MTUS1: variants seen among roughly 807,000 people sequenced by gnomAD.
The protein encoded by MTUS1 is microtubule-associated tumor suppressor 1.
Under a neutral mutation model 120.8 loss-of-function variants are expected in MTUS1, and 109 were observed. That is an observed-to-expected ratio of 0.90 (90% CI 0.77 to 1.06). MTUS1 has a LOEUF of 1.06. Among genes scored for constraint, MTUS1 ranks in the 50% least tolerant of loss-of-function variants. MTUS1 has a pLI of 0.00. For synonymous variants in MTUS1, 737 were observed against 550.5 expected (o/e 1.34, Z -4.74); for missense variants, 2,210 against 1,486.3 (o/e 1.49, Z -8.01).
chr8:17,656,851 C>A (rs1167571077), intron 8 of MTUS1, among the ~76,000 whole-genome samples: 1 of 151,294 alleles, frequency 6.6e-6, no homozygotes, highest in South Asian at 2.1e-4. Flanking sequence ...GCAGGTGGAT[C>A]ATGAGGTCAG....
intron 1 of MTUS1, among the ~76,000 whole-genome samples, chr8:17,798,627 C>T (rs745375053): frequency 1.3e-5 from 2 of 152,134 alleles, no homozygotes; most frequent in African/African-American, 4.8e-5. Context: ...CCACCGCACC[C>T]GGCTGGAAAA....
chr8:17,653,347 C>G, intron 11 of MTUS1, 66 bp from the exon 12 acceptor site: 1 of 1,511,200 alleles, frequency 6.6e-7, no homozygotes, highest in South Asian at 1.2e-5. Flanking sequence ...CATACGTACA[C>G]AGAAACATTA....
At chr8:17,766,491 G>C (rs1230272218) in intron 1 of MTUS1, among the ~76,000 whole-genome samples, 1 of 152,162 alleles carries the variant, frequency 6.6e-6, no homozygotes, top group African/African-American at 2.4e-5. Context: ...CCATTTGGGA[G>C]TTATTTTTCT....
chr8:17,692,512 G>T (rs1207784881), intron 6 of MTUS1, among the ~76,000 whole-genome samples: 1 of 152,116 alleles, frequency 6.6e-6, no homozygotes, highest in Non-Finnish European at 1.5e-5. Flanking sequence ...CATCTAAAAA[G>T]AGTCAAAAGT....
chr8:17,756,871 C>T (rs1373515354), intron 1 of MTUS1, among the ~76,000 whole-genome samples: 1 of 152,146 alleles, frequency 6.6e-6, no homozygotes, highest in Non-Finnish European at 1.5e-5. Flanking sequence ...AGTAGGAGAG[C>T]TCTCACCAAA....
At chr8:17,669,919 G>C (rs2130573095) in intron 8 of MTUS1, among the ~76,000 whole-genome samples, 1 of 152,352 alleles carries the variant, frequency 6.6e-6, no homozygotes, top group East Asian at 1.9e-4. Context: ...CTGGCCGCAA[G>C]TGGAGTTGGG....
At chr8:17,777,788 T>C (rs947009179) in intron 1 of MTUS1, among the ~76,000 whole-genome samples, 2 of 152,230 alleles carry the variant, frequency 1.3e-5, no homozygotes, top group African/African-American at 2.4e-5. Flanking sequence ...CAGAAATTTA[T>C]TATAGGAAAT....
intron 10 of MTUS1, 138 bp from the exon 11 acceptor site, chr8:17,653,636 G>T: frequency 1.6e-6 from 1 of 635,782 alleles, no homozygotes; most frequent in Non-Finnish European, 2.6e-6. Context: ...ATGCTTTTAT[G>T]TAAATTGGCC....
chr8:17,762,182 G>C (rs552953418), intron 1 of MTUS1, among the ~76,000 whole-genome samples: 3 of 152,270 alleles, frequency 2.0e-5, no homozygotes, highest in Middle Eastern at 3.4e-3. Flanking sequence ...AGGAGGCTGA[G>C]GCAGGAGAAT....
chr8:17,743,478 T>A, intron 3 of MTUS1, 126 bp downstream of exon 3: 2 of 854,056 alleles, frequency 2.3e-6, no homozygotes, highest in East Asian at 2.6e-5. Context: ...TTCTACCTCC[T>A]GTGCTCAGGA....
intron 6 of MTUS1, among the ~76,000 whole-genome samples, chr8:17,704,359 A>G (rs1819718717): frequency 6.6e-6 from 1 of 152,292 alleles, no homozygotes; most frequent in Non-Finnish European, 1.5e-5. Context: ...GAAAAATGAC[A>G]TGAAGTTTTG....
chr8:17,780,219 C>A (rs1430114525), intron 1 of MTUS1, among the ~76,000 whole-genome samples: 1 of 152,158 alleles, frequency 6.6e-6, no homozygotes, highest in Non-Finnish European at 1.5e-5. Flanking sequence ...GGTACCTCCC[C>A]CGTCCCCTTG....
intron 5 of MTUS1, among the ~76,000 whole-genome samples, chr8:17,715,170 T>C (rs767534230): frequency 1.3e-5 from 2 of 151,962 alleles, no homozygotes; most frequent in Non-Finnish European, 2.9e-5. Context: ...CCTCCCAAAG[T>C]GCTGGGATTA....
intron 13 of MTUS1, among the ~76,000 whole-genome samples, chr8:17,647,847 T>C (rs1806154243): frequency 6.6e-6 from 1 of 152,180 alleles, no homozygotes; most frequent in Admixed American, 6.5e-5. Context: ...GAAGAGGCAA[T>C]ATTATAGCTC....
chr8:17,773,470 T>G (rs1312727242), intron 1 of MTUS1, among the ~76,000 whole-genome samples: 1 of 152,210 alleles, frequency 6.6e-6, no homozygotes, highest in Non-Finnish European at 1.5e-5. Context: ...TGTTTTCTGT[T>G]GCTACACCAT....
At chr8:17,646,351 G>C (rs1187616175) in intron 14 of MTUS1, among the ~76,000 whole-genome samples, 1 of 152,132 alleles carries the variant, frequency 6.6e-6, no homozygotes, top group Non-Finnish European at 1.5e-5. Flanking sequence ...ACCTTGGGAG[G>C]CCAAGGTGGG....
intron 3 of MTUS1, among the ~76,000 whole-genome samples, chr8:17,742,551 C>T (rs2047418010): frequency 6.6e-6 from 1 of 152,012 alleles, no homozygotes; most frequent in Non-Finnish European, 1.5e-5. Context: ...CTAATGAATT[C>T]CTGTTTCCAC....
intron 8 of MTUS1, chr8:17,674,496 T>A: frequency 1.0e-6 from 1 of 984,868 alleles, no homozygotes. Context: ...CCATGAACCC[T>A]AAGGGCTTCC....
chr8:17,674,795 G>T (rs977733371), intron 8 of MTUS1: 57 of 1,022,150 alleles, frequency 5.6e-5, no homozygotes, highest in Non-Finnish European at 6.3e-5. Flanking sequence ...ACCAACCCTT[G>T]GAAGTACAAC....
Sources: gnomAD v4.1 joint callset for allele counts (sites outside exome capture counted in the v4.1 genomes callset) on GRCh38, gnomAD v4.1.1 for gene constraint, MANE v1.5 for transcripts, NCBI Gene and HGNC (gene_info 2026-07-23, HGNC 2026-07-21) for gene names.